Variants in MTUS2 observed in about 807,000 individuals in gnomAD.
The protein encoded by MTUS2 is microtubule associated scaffold protein 2, also known as microtubule-associated tumor suppressor candidate 2.
Under a neutral mutation model 114.1 loss-of-function variants are expected in MTUS2, and 40 were observed. That is an observed-to-expected ratio of 0.35 (90% confidence interval 0.27 to 0.46). The LOEUF is 0.46. Ranked by LOEUF, MTUS2 falls within the 20% of genes least tolerant of loss-of-function variation. The pLI, the probability that MTUS2 is intolerant of heterozygous loss-of-function variation, is 1.00. For missense variants in MTUS2, 1,679 were observed against 1,705.4 expected (o/e 0.98, Z 0.27); for synonymous variants, 688 against 672.0 (o/e 1.02, Z -0.37).
intron 2 of MTUS2, among the ~76,000 whole-genome samples, chr13:28,989,595 G>A (rs980005833): frequency 1.3e-4 from 20 of 152,274 alleles, no homozygotes; most frequent in African/African-American, 4.8e-4. Flanking sequence ...GTGAGGGTTG[G>A]GTCTTCTGCT....
intron 5 of MTUS2, among the ~76,000 whole-genome samples, chr13:29,278,827 C>G (rs565742101): frequency 2.7e-4 from 41 of 152,244 alleles, no homozygotes; most frequent in African/African-American, 8.9e-4. Context: ...ATTTTTAAGA[C>G]AATCATACTC....
intron 2 of MTUS2, among the ~76,000 whole-genome samples, chr13:29,012,689 C>T (rs954539401): frequency 4.0e-5 from 6 of 151,892 alleles, no homozygotes; most frequent in South Asian, 2.1e-4. Flanking sequence ...CTGGCTAACA[C>T]GGTGCAACCC....
At chr13:29,455,244 G>A (rs967578766) in intron 9 of MTUS2, among the ~76,000 whole-genome samples, 1 of 152,172 alleles carries the variant, frequency 6.6e-6, no homozygotes, top group Non-Finnish European at 1.5e-5. Context: ...GGGGTTTCCC[G>A]TGTGATCTTA....
At chr13:28,905,793 C>G (rs1309408505) in intron 2 of MTUS2, among the ~76,000 whole-genome samples, 2 of 151,584 alleles carry the variant, frequency 1.3e-5, no homozygotes, top group Admixed American at 6.6e-5. Flanking sequence ...AGGATTCCCT[C>G]TTTTTCTATT....
intron 5 of MTUS2, among the ~76,000 whole-genome samples, chr13:29,119,522 G>A (rs1381760010): frequency 2.0e-5 from 3 of 152,214 alleles, no homozygotes; most frequent in East Asian, 1.9e-4. Context: ...ACTTTAGTCC[G>A]TTAAGCATTA....
intron 8 of MTUS2, among the ~76,000 whole-genome samples, chr13:29,368,146 G>A (rs1334628416): frequency 6.6e-6 from 1 of 151,634 alleles, no homozygotes; most frequent in Non-Finnish European, 1.5e-5. Flanking sequence ...CACCATGTTA[G>A]CCAGGATGGT....
At chr13:28,928,271 A>T (rs1050399995) in intron 2 of MTUS2, among the ~76,000 whole-genome samples, 1 of 152,214 alleles carries the variant, frequency 6.6e-6, no homozygotes, top group Non-Finnish European at 1.5e-5. Flanking sequence ...CAGCAAGCCA[A>T]AAAGCTACTG....
At chr13:29,259,320 C>T (rs1897385919) in intron 5 of MTUS2, among the ~76,000 whole-genome samples, 1 of 152,064 alleles carries the variant, frequency 6.6e-6, no homozygotes, top group East Asian at 1.9e-4. Context: ...TTTATTGGAG[C>T]ACCTCAAGAA....
intron 2 of MTUS2, among the ~76,000 whole-genome samples, chr13:28,927,895 A>T (rs111618687): frequency 0.04 from 6,136 of 152,272 alleles, 235 homozygotes; most frequent in East Asian, 0.2. Flanking sequence ...CCAAATCAGC[A>T]TGGTACTGGC....
intron 5 of MTUS2, among the ~76,000 whole-genome samples, chr13:29,110,098 C>T (rs188792528): frequency 9.2e-4 from 140 of 152,310 alleles, no homozygotes; most frequent in Non-Finnish European, 1.7e-3. Context: ...AAGGCTATGG[C>T]GTGCCTTCAG....
rs1566126472 is a variant in MTUS2 at position 29,317,430 on chromosome 13, C to CTTTTTTTTTT, written c.2807-7182_2807-7181insTTTTTTTTTT. Reference sequence around the variant, plus strand: ...TCGCTTGTGCGCGCGCTCTCTCTCTCTCTTTTTTTTTTTTTTTTTGAGACG... The same window carrying CTTTTTTTTTT: ...TCGCTTGTGCGCGCGCTCTCTCTCTCTTTTTTTTTTTCTTTTTTTTTTTTTTTTTGAGACG... On this transcript the variant is annotated intron_variant, in intron 6 of 15. Coordinates refer to ENST00000612955, the MANE Select transcript of MTUS2 (RefSeq NM_001033602.4). Among the ~76,000 whole-genome samples the CTTTTTTTTTT allele has an allele frequency of 4.3e-4, 23 of 53,336 alleles. 1 individual carries two copies. Among genetic ancestry groups the CTTTTTTTTTT allele is most frequent in the African/African-American group, 1.5e-3 (23 of 15,776 alleles). The allele number at this position is 53,336 out of a possible 152,430, so 35.0% of individuals were successfully genotyped here.
chr13:29,295,116 G>C (rs1232500958), intron 6 of MTUS2, among the ~76,000 whole-genome samples: 1 of 149,858 alleles, frequency 6.7e-6, no homozygotes, highest in Non-Finnish European at 1.5e-5. Context: ...TTGACTGGCT[G>C]TTGCCTTTTT....
At chr13:29,479,059 A>G (rs992017357) in intron 9 of MTUS2, among the ~76,000 whole-genome samples, 2 of 152,206 alleles carry the variant, frequency 1.3e-5, no homozygotes, top group Admixed American at 6.5e-5. Context: ...TTCAAATGCT[A>G]TCTAGCAACC....
intron 2 of MTUS2, among the ~76,000 whole-genome samples, chr13:28,964,678 A>G (rs1883494678): frequency 6.7e-6 from 1 of 148,846 alleles, no homozygotes; most frequent in African/African-American, 2.5e-5. Context: ...GAACTGGGTC[A>G]TTGTTTCAAT....
intron 1 of MTUS2, among the ~76,000 whole-genome samples, chr13:28,834,375 C>T (rs909886389): frequency 1.3e-5 from 2 of 151,978 alleles, no homozygotes; most frequent in African/African-American, 4.8e-5. Context: ...AGAAGCAAAC[C>T]CTTGCATTTT....
chr13:28,982,748 G>A (rs984288909), intron 2 of MTUS2, among the ~76,000 whole-genome samples: 2 of 152,198 alleles, frequency 1.3e-5, no homozygotes, highest in Non-Finnish European at 2.9e-5. Context: ...GAGCATATTA[G>A]CGTATTATGT....
At chr13:29,428,755 C>T in intron 8 of MTUS2, 4 of 1,597,308 alleles carry the variant, frequency 2.5e-6, no homozygotes, top group Non-Finnish European at 3.4e-6. Context: ...AGCGGCGCGC[C>T]CCTTTCGTGT....
chr13:28,926,331 T>C (rs947035025), intron 2 of MTUS2, among the ~76,000 whole-genome samples: 3 of 151,896 alleles, frequency 2.0e-5, no homozygotes, highest in Non-Finnish European at 2.9e-5. Context: ...GCTGACAAAT[T>C]CATAATAGCT....
chr13:29,022,692 G>T (rs1020992561), intron 2 of MTUS2, among the ~76,000 whole-genome samples: 1 of 152,180 alleles, frequency 6.6e-6, no homozygotes, highest in Non-Finnish European at 1.5e-5. Flanking sequence ...ATTGGTGACG[G>T]GGCAGAACCT....
Sources: allele counts gnomAD v4.1 joint callset (sites outside exome capture counted in the v4.1 genomes callset), GRCh38; gene constraint gnomAD v4.1.1; transcripts MANE v1.5; gene names NCBI Gene and HGNC (gene_info 2026-07-23, HGNC 2026-07-21).